Variants in FIRRM observed in about 807,000 individuals in gnomAD.
The protein encoded by FIRRM is FIGNL1-interacting regulator of recombination and mitosis.
At chr1:169,799,227 G>T in the FIRRM span, among the ~76,000 whole-genome samples, 501 of 152,318 alleles carry the variant, frequency 3.3e-3, 2 homozygotes, top group South Asian at 0.02. Flanking sequence ...AACGTTAGTT[G>T]TTACGATTAG....
chr1:169,792,394 G>C, the FIRRM span: 1 of 475,788 alleles, frequency 2.1e-6, no homozygotes, highest in Non-Finnish European at 3.7e-6. Flanking sequence ...AAATGCACGA[G>C]GATACCTTCT....
the FIRRM span, among the ~76,000 whole-genome samples, chr1:169,833,903 G>T: frequency 2.1e-5 from 3 of 142,904 alleles, no homozygotes; most frequent in South Asian, 6.8e-4. Flanking sequence ...ATGTTGCCCA[G>T]GCTGGTCTCA....
chr1:169,826,585 A>C, the FIRRM span, among the ~76,000 whole-genome samples: 1 of 127,480 alleles, frequency 7.8e-6, no homozygotes, highest in African/African-American at 3.0e-5. Flanking sequence ...CTGGTCTTGA[A>C]CTCCTGACCT....
At chr1:169,801,167 G>A in the FIRRM span, among the ~76,000 whole-genome samples, 2 of 152,034 alleles carry the variant, frequency 1.3e-5, no homozygotes, top group Admixed American at 6.5e-5. Context: ...TACAGGCTGG[G>A]CACGGTGGCT....
the FIRRM span, among the ~76,000 whole-genome samples, chr1:169,813,724 A>G: frequency 6.6e-6 from 1 of 152,244 alleles, no homozygotes; most frequent in Non-Finnish European, 1.5e-5. Context: ...CATATTACAT[A>G]TAGCTCTTCA....
At chr1:169,827,736 A>C in the FIRRM span, 3 of 1,614,142 alleles carry the variant, frequency 1.9e-6, no homozygotes, top group Non-Finnish European at 2.5e-6. Context: ...TGCAGTTTCC[A>C]CAATGTCTTC....
the FIRRM span, among the ~76,000 whole-genome samples, chr1:169,796,837 T>C: frequency 1.7e-4 from 26 of 152,356 alleles, no homozygotes; most frequent in African/African-American, 5.5e-4. Flanking sequence ...ATCTTTTTGC[T>C]CAGCCTGATT....
the FIRRM span, among the ~76,000 whole-genome samples, chr1:169,786,961 G>A: frequency 3.9e-5 from 6 of 152,150 alleles, no homozygotes; most frequent in Non-Finnish European, 8.8e-5. Context: ...GAGACCTGCT[G>A]GAGGTTTGAG....
At chr1:169,807,851 T>C in the FIRRM span, 1 of 1,609,566 alleles carries the variant, frequency 6.2e-7, no homozygotes, top group Non-Finnish European at 8.5e-7. Flanking sequence ...ATATAATTAC[T>C]AGCTTGTGTG....
the FIRRM span, among the ~76,000 whole-genome samples, chr1:169,835,135 A>G: frequency 2.0e-5 from 3 of 152,196 alleles, no homozygotes; most frequent in African/African-American, 7.2e-5. Context: ...TGCATACAAG[A>G]TGGTGTCTTT....
the FIRRM span, among the ~76,000 whole-genome samples, chr1:169,846,955 A>G: frequency 6.6e-6 from 1 of 152,102 alleles, no homozygotes; most frequent in Non-Finnish European, 1.5e-5. Flanking sequence ...GAGAGATGAG[A>G]TTATACTTTT....
At chr1:169,826,794 C>G in the FIRRM span, among the ~76,000 whole-genome samples, 1 of 152,062 alleles carries the variant, frequency 6.6e-6, no homozygotes, top group Non-Finnish European at 1.5e-5. Context: ...ATATCAGTGC[C>G]TCAAAGCAAC....
At chr1:169,821,572 G>GT in the FIRRM span, 55 of 745,858 alleles carry the variant, frequency 7.4e-5, no homozygotes, top group East Asian at 1.5e-4. Context: ...TTTAAGAGGG[G>GT]TTTTTTTTGT....
chr1:169,802,495 A>C, the FIRRM span: 3 of 585,318 alleles, frequency 5.1e-6, no homozygotes, highest in Non-Finnish European at 9.1e-6. Flanking sequence ...GTTAAGCTAG[A>C]TGATAGCCTG....
At chr1:169,853,829 A>G in the FIRRM span, 1 of 1,588,942 alleles carries the variant, frequency 6.3e-7, no homozygotes, top group Non-Finnish European at 8.6e-7. Context: ...TGCAAAAATC[A>G]TACGCAAATT....
At chr1:169,841,511 A>T in the FIRRM span, among the ~76,000 whole-genome samples, 2 of 152,194 alleles carry the variant, frequency 1.3e-5, no homozygotes, top group Non-Finnish European at 2.9e-5. Flanking sequence ...ACATTCTCAT[A>T]AGACCTTCCC....
the FIRRM span, among the ~76,000 whole-genome samples, chr1:169,825,516 CAT>C: frequency 2.0e-5 from 3 of 152,186 alleles, no homozygotes; most frequent in African/African-American, 7.2e-5. Context: ...ACTTAGTAAA[CAT>C]ATGTCAAATT....
the FIRRM span, among the ~76,000 whole-genome samples, chr1:169,791,509 G>A: frequency 5.3e-5 from 8 of 152,280 alleles, no homozygotes; most frequent in East Asian, 1.5e-3. Context: ...GCCTTCAGAT[G>A]CTGGTTCAAG....
At chr1:169,817,663 G>A in the FIRRM span, among the ~76,000 whole-genome samples, 1 of 152,058 alleles carries the variant, frequency 6.6e-6, no homozygotes, top group South Asian at 2.1e-4. Context: ...TAATAAAACT[G>A]TATAGACAAA....
Sources: gnomAD v4.1 joint callset for allele counts (sites outside exome capture counted in the v4.1 genomes callset) on GRCh38, gnomAD v4.1.1 for gene constraint, MANE v1.5 for transcripts, NCBI Gene and HGNC (gene_info 2026-07-23, HGNC 2026-07-21) for gene names.